The following AGBL1 variants were observed in gnomAD, a reference collection of about 807,000 sequenced individuals.
AGBL1 encodes cytosolic carboxypeptidase 4.
In AGBL1, 130 loss-of-function variants were observed where a neutral mutation model predicts 118.9. The observed-to-expected ratio is 1.09, with a 90% CI of 0.95 to 1.26. The LOEUF (loss-of-function observed/expected upper bound fraction) is 1.26, where lower values mean the gene tolerates loss of function less well. Among genes scored for constraint, AGBL1 ranks in the 50% most tolerant of loss-of-function variants. The pLI is 0.00. For missense variants in AGBL1, 1,584 were observed against 1,298.1 expected (o/e 1.22, Z -3.38); for synonymous variants, 555 against 478.9 (o/e 1.16, Z -2.08).
chr15:86,675,261 G>T lies in AGBL1; in HGVS notation c.3158+825G>T, dbSNP rs994624895. 1.2e-4 allele frequency among the ~76,000 whole-genome samples: 19 copies of T among 152,058 alleles called. 2 individuals carry two copies. The highest frequency in any genetic ancestry group is 9.8e-4 in the Admixed American group (15 of 15,278). On this transcript the variant is annotated intron_variant, in intron 22 of 22. Coordinates refer to ENST00000614907, the MANE Select transcript of AGBL1 (RefSeq NM_001386094.1). ...GGAGGCATCTGGTCGTGCACTTCAC[G>T]TCCAAAGGCAGAGAGAAAGCCATTC...
intron 7 of AGBL1, among the ~76,000 whole-genome samples, chr15:86,250,742 A>T (rs1296856474): frequency 6.6e-6 from 1 of 152,106 alleles, no homozygotes; most frequent in East Asian, 1.9e-4. Context: ...AGTGTTGAGT[A>T]GCCTCCCAGA....
intron 5 of AGBL1, among the ~76,000 whole-genome samples, chr15:86,191,128 G>C (rs2077712148): frequency 6.6e-6 from 1 of 151,818 alleles, no homozygotes; most frequent in Non-Finnish European, 1.5e-5. Context: ...GGGATCACCT[G>C]AGGTCAGGAG....
intron 1 of AGBL1, among the ~76,000 whole-genome samples, chr15:86,112,093 T>C (rs1424622399): frequency 6.6e-6 from 1 of 152,052 alleles, no homozygotes; most frequent in Non-Finnish European, 1.5e-5. Context: ...GATTCTACAT[T>C]ATGGGGAGTT....
chr15:86,230,402 AAT>A (rs756068416), intron 6 of AGBL1, among the ~76,000 whole-genome samples: 6 of 152,194 alleles, frequency 3.9e-5, no homozygotes, highest in Non-Finnish European at 8.8e-5. Flanking sequence ...TCAGAATGGC[AAT>A]ATATGTTTAG....
chr15:86,864,362 G>A (rs1395276075), intron 22 of AGBL1, among the ~76,000 whole-genome samples: 1 of 152,120 alleles, frequency 6.6e-6, no homozygotes, highest in Non-Finnish European at 1.5e-5. Context: ...ACCAAAAAAT[G>A]TATTGAAAGT....
intron 17 of AGBL1, among the ~76,000 whole-genome samples, chr15:86,305,759 G>A (rs1461933371): frequency 6.6e-6 from 1 of 152,044 alleles, no homozygotes; most frequent in Non-Finnish European, 1.5e-5. Flanking sequence ...GAATACATAT[G>A]TACAGAGCCT....
At chr15:86,150,736 T>G (rs2077096590) in intron 3 of AGBL1, among the ~76,000 whole-genome samples, 1 of 152,126 alleles carries the variant, frequency 6.6e-6, no homozygotes, top group African/African-American at 2.4e-5. Flanking sequence ...TTCCAATCAA[T>G]ACAAAAAGAG....
intron 24 of AGBL1, among the ~76,000 whole-genome samples, chr15:86,990,523 A>AAAGAG (rs1293157609): frequency 6.6e-6 from 1 of 152,152 alleles, no homozygotes; most frequent in African/African-American, 2.4e-5. Flanking sequence ...CAGAAAAAAA[A>AAAGAG]AAGAGAAAGG....
At chr15:86,885,356 C>G (rs2079955024) in intron 22 of AGBL1, among the ~76,000 whole-genome samples, 2 of 152,210 alleles carry the variant, frequency 1.3e-5, no homozygotes, top group African/African-American at 4.8e-5. Flanking sequence ...AAGGTACTGA[C>G]AGCTTTCGCT....
At chr15:86,934,192 T>A (rs887000247) in intron 23 of AGBL1, among the ~76,000 whole-genome samples, 2 of 152,184 alleles carry the variant, frequency 1.3e-5, no homozygotes, top group Admixed American at 6.5e-5. Flanking sequence ...GAGGAGTAAG[T>A]GAATTCACCT....
chr15:86,311,793 G>A (rs2079925329), intron 17 of AGBL1, among the ~76,000 whole-genome samples: 3 of 152,200 alleles, frequency 2.0e-5, no homozygotes, highest in South Asian at 4.1e-4. Context: ...GTTCTGATCT[G>A]TGAGGCTTGC....
In AGBL1 at chr15:86,327,665, G is replaced by A. The variant is rs183571993; in HGVS notation, c.2374+32257G>A. Among the ~76,000 whole-genome samples the A allele has an allele frequency of 4.7e-3, 719 of 152,306 alleles. 3 individuals carry two copies. Among genetic ancestry groups the A allele is most frequent in the Non-Finnish European group, 8.6e-3 (585 of 68,032 alleles). ...ATACACGAACCATTGTGAGCATATGGCATTTTGAGGTGAGTCATAGGAAAT... is the reference window on the plus strand; with the variant it reads ...ATACACGAACCATTGTGAGCATATGACATTTTGAGGTGAGTCATAGGAAAT... On this transcript the variant is annotated intron_variant, in intron 17 of 22. Coordinates refer to ENST00000614907, the MANE Select transcript of AGBL1 (RefSeq NM_001386094.1).
At chr15:86,884,647 A>G (rs549449209) in intron 22 of AGBL1, among the ~76,000 whole-genome samples, 1 of 152,268 alleles carries the variant, frequency 6.6e-6, no homozygotes, top group South Asian at 2.1e-4. Flanking sequence ...CCCTTCCTCT[A>G]CCAAAAATAC....
chr15:86,818,230 A>G (rs922781016), intron 22 of AGBL1, among the ~76,000 whole-genome samples: 30 of 152,042 alleles, frequency 2.0e-4, no homozygotes, highest in African/African-American at 6.8e-4. Context: ...AAGCCACCTA[A>G]TTTGTGATAT....
chr15:86,845,985 G>C (rs562467902), intron 22 of AGBL1, among the ~76,000 whole-genome samples: 6 of 152,106 alleles, frequency 3.9e-5, no homozygotes, highest in Non-Finnish European at 5.9e-5. Flanking sequence ...GAGCACCTTC[G>C]ACACATGCCT....
intron 22 of AGBL1, among the ~76,000 whole-genome samples, chr15:86,835,383 G>A (rs998268869): frequency 6.6e-6 from 1 of 152,112 alleles, no homozygotes; most frequent in African/African-American, 2.4e-5. Flanking sequence ...GAATGGGGTG[G>A]TGTTTAACGG....
chr15:86,191,442 C>G (rs1008847701), intron 5 of AGBL1, among the ~76,000 whole-genome samples: 19 of 149,032 alleles, frequency 1.3e-4, no homozygotes, highest in African/African-American at 4.7e-4. Flanking sequence ...AGAATAGATA[C>G]AGCAAAAGAG....
chr15:86,734,840 C>A (rs1394189510), intron 22 of AGBL1, among the ~76,000 whole-genome samples: 1 of 152,100 alleles, frequency 6.6e-6, no homozygotes, highest in Non-Finnish European at 1.5e-5. Flanking sequence ...CCTTTCCTTA[C>A]ATTTCTGCCA....
At chr15:86,408,131 T>A (rs8029257) in intron 18 of AGBL1, among the ~76,000 whole-genome samples, 43,719 of 152,022 alleles carry the variant, frequency 0.29, 6,878 homozygotes, top group East Asian at 0.61. Flanking sequence ...TCTGTAACTC[T>A]TCAAGGCATT....
Sources: gnomAD v4.1 joint callset for allele counts (sites outside exome capture counted in the v4.1 genomes callset) on GRCh38, gnomAD v4.1.1 for gene constraint, MANE v1.5 for transcripts, NCBI Gene and HGNC (gene_info 2026-07-23, HGNC 2026-07-21) for gene names.